MEX3A: variants seen among roughly 807,000 people sequenced by gnomAD.
The protein encoded by MEX3A is RNA-binding protein MEX3A.
MEX3A carries 4 observed loss-of-function variants against 30.0 expected under a neutral mutation model. The observed-to-expected ratio is 0.13, with a 90% CI of 0.07 to 0.30. The LOEUF (loss-of-function observed/expected upper bound fraction) is 0.30, where lower values mean the gene tolerates loss of function less well. Among genes scored for constraint, MEX3A ranks in the 10% least tolerant of loss-of-function variants. The pLI is 1.00. For missense variants in MEX3A, 555 were observed against 736.7 expected, an observed-to-expected ratio of 0.75 and a Z score of 2.86; for synonymous variants, 335 against 327.6, an observed-to-expected ratio of 1.02 and a Z score of -0.24.
chr1:156,080,265 T>C (rs2102778154), intron 1 of MEX3A, among the ~76,000 whole-genome samples: 1 of 152,294 alleles, frequency 6.6e-6, no homozygotes, highest in Non-Finnish European at 1.5e-5. Context: ...TCTCAAGAGA[T>C]GGAGTGCCCC....
At position 156,074,602 on chromosome 1, in the gene MEX3A, T is replaced by C. The variant is rs1180712022; in HGVS notation, c.*1972A>G. The C allele has an allele frequency of 2.0e-5, 3 of 152,710 alleles. No homozygotes were observed. Among genetic ancestry groups the C allele is most frequent in the Non-Finnish European group, 4.4e-5 (3 of 68,026 alleles). 9.5% of individuals were successfully genotyped at this position (152,710 alleles called of 1,614,324 possible). On this transcript the variant is annotated 3_prime_UTR_variant, in exon 2 of 2. Transcript: ENST00000532414. ...CTAGTGTAACAGTCTTCTGCCTTTGTGGGTAAAGAGTGGAGAGGGGGAGGG... is the reference window on the plus strand; with the variant it reads ...CTAGTGTAACAGTCTTCTGCCTTTGCGGGTAAAGAGTGGAGAGGGGGAGGG...
At position 156,076,455 on chromosome 1, in the gene MEX3A, G is replaced by T. The variant is rs1648066050; in HGVS notation, c.*119C>A. 16 of 1,066,012 alleles carry T rather than the reference G, an allele frequency of 1.5e-5. No individual in the cohort carries two copies. The highest frequency in any genetic ancestry group is 2.0e-5 in the Non-Finnish European group (15 of 761,832). The allele number at this position is 1,066,012 out of a possible 1,614,324, so 66.0% of individuals were successfully genotyped here. A position where few individuals can be genotyped will look rare whatever the true frequency, so the allele number is the denominator to read the frequency against. ...CACTGCCTCCCTCCCCCCTTCCCCA[G>T]CGAGCGAGTATCTCTAAGCACCTTG... is the stretch of plus-strand genomic sequence containing the variant. On this transcript the variant is annotated 3_prime_UTR_variant, in exon 2 of 2. Coordinates refer to ENST00000532414, the MANE Select transcript of MEX3A (RefSeq NM_001093725.2). This position sits in a 1 kb window ranked among gnomAD's most constrained non-coding sequence, Gnocchi z 6.0.
chr1:156,081,923 C>A lies in MEX3A; in HGVS notation c.76G>T (p.Ala26Ser). The A allele has an allele frequency of 6.5e-7, 1 of 1,536,966 alleles. No homozygotes were observed. Among genetic ancestry groups the A allele is most frequent in the Non-Finnish European group, 8.8e-7 (1 of 1,140,342 alleles). ...FGELGCFGGS[A>S]KDRGLLEDER... ...TCTTCCAGCAGCCCTCGGTCCTTAGCGCTTCCCCCGAAACATCCTAGTTCT... is the reference window on the plus strand; with the variant it reads ...TCTTCCAGCAGCCCTCGGTCCTTAGAGCTTCCCCCGAAACATCCTAGTTCT... Residue 26 changes from alanine (A) to serine (S), a missense_variant, in exon 1 of 2, where the codon GCT becomes TCT. Ala to Ser is a moderately conservative substitution (Grantham distance 99). Around this residue, in one of 6 missense-constraint regions of MEX3A, gnomAD observed 159 missense variants for 159.9 expected, o/e 0.99. Coordinates refer to ENST00000532414, the MANE Select transcript of MEX3A (RefSeq NM_001093725.2).
rs1235177373 is a variant in MEX3A, at chr1:156,076,857, C to T, written c.1280G>A (p.Arg427His). 1.3e-6 allele frequency: 2 copies of T among 1,537,322 alleles called. No homozygotes were observed. Among genetic ancestry groups the T allele is most frequent in the Admixed American group, 2.0e-5 (1 of 50,100 alleles). The part of the protein sequence containing the change: ...KARAGPPGAH[R>H]SPATSAGPEL... ...GGGTCCCGCGGAAGTGGCAGGGGAG[C>T]GGTGTGCGCCCGGGGGCCCAGCGCG... is the stretch of plus-strand genomic sequence containing the variant. The change falls in exon 2 of 2, where the codon CGC (arginine) becomes CAC (histidine). Residue 427 changes from arginine (R) to histidine (H), a missense_variant. Coordinates refer to ENST00000532414, the MANE Select transcript of MEX3A (RefSeq NM_001093725.2). The surrounding 1 kb of genome is among the most constrained non-coding windows in gnomAD (Gnocchi z 6.0).
At chr1:156,081,400 T>C in intron 1 of MEX3A, 145 bp downstream of exon 1, 1 of 680,402 alleles carries the variant, frequency 1.5e-6, no homozygotes, top group Non-Finnish European at 2.5e-6. Context: ...TGTGGCACTT[T>C]GAAATCAGGG....
At position 156,073,068 on chromosome 1, in the gene MEX3A, GTC is replaced by G. The variant is rs1361665654; in HGVS notation, c.*3504_*3505del. ...AGGTGAGAAGCGTGTGTGCATGTGT[GTC>G]TGTTTGTGGAATGACTTCCCAGGCT... is the stretch of plus-strand genomic sequence containing the variant. On this transcript the variant is annotated 3_prime_UTR_variant, in exon 2 of 2. Transcript: ENST00000532414. 1 of 152,528 alleles carries G rather than the reference GTC, an allele frequency of 6.6e-6. No individual in the cohort carries two copies. The highest frequency in any genetic ancestry group is 1.5e-5 in the Non-Finnish European group (1 of 68,082). The allele number at this position is 152,528 out of a possible 1,614,324, so 9.4% of individuals were successfully genotyped here.
intron 1 of MEX3A, among the ~76,000 whole-genome samples, chr1:156,079,200 C>A (rs941695569): frequency 6.7e-6 from 1 of 148,750 alleles, no homozygotes; most frequent in Non-Finnish European, 1.5e-5. Flanking sequence ...GGTTGGGGGA[C>A]CCTCCCTCAC....
rs1381478226 is a variant in MEX3A, at chr1:156,074,453, C to T, written c.*2121G>A. 2.9e-5 allele frequency: 4 copies of T among 137,660 alleles called. No individual in the cohort carries two copies. Among genetic ancestry groups the T allele is most frequent in the African/African-American group, 1.1e-4 (4 of 36,462 alleles). 8.5% of individuals were successfully genotyped at this position (137,660 alleles called of 1,614,324 possible). A position where few individuals can be genotyped will look rare whatever the true frequency, so the allele number is the denominator to read the frequency against. ...TTTGTTTTCTCTCCTCTGTGTTGGTCGCCTGTCTCGCTCCCTCTCATGCTC... is the reference window on the plus strand; with the variant it reads ...TTTGTTTTCTCTCCTCTGTGTTGGTTGCCTGTCTCGCTCCCTCTCATGCTC... On this transcript the variant is annotated 3_prime_UTR_variant, in exon 2 of 2. Transcript: ENST00000532414.
Position 156,074,061 on chromosome 1 carries a change from G to A in MEX3A, c.*2513C>T, listed in dbSNP as rs1003894152. 3.3e-5 allele frequency: 5 copies of A among 152,298 alleles called. No homozygotes were observed. Among genetic ancestry groups the A allele is most frequent in the East Asian group, 1.9e-4 (1 of 5,210 alleles). The allele number at this position is 152,298 out of a possible 1,614,324, so 9.4% of individuals were successfully genotyped here. A position where few individuals can be genotyped will look rare whatever the true frequency, so the allele number is the denominator to read the frequency against. ...GCTCCTCTCTCCACCATTCACCCCCGGGATGCTCCCCCAAGAAAAGCAAAT... is the reference window on the plus strand; with the variant it reads ...GCTCCTCTCTCCACCATTCACCCCCAGGATGCTCCCCCAAGAAAAGCAAAT... On this transcript the variant is annotated 3_prime_UTR_variant, in exon 2 of 2. Transcript: ENST00000532414.
In MEX3A at chr1:156,081,618, C is replaced by T; in HGVS notation, c.381G>A (p.Lys127=). The T allele has an allele frequency of 6.3e-7, 1 of 1,575,458 alleles. No individual in the cohort carries two copies. The highest frequency in any genetic ancestry group is 2.3e-5 in the East Asian group (1 of 42,726). ...ALYKEAELRL[K]GSSNTTECVP... is the part of the protein sequence containing the mutation. Reference sequence around the variant, plus strand: ...CACACTCCGTGGTGTTGCTGCTGCCCTTCAGGCGCAGCTCGGCCTCTTTGT... The same window carrying T: ...CACACTCCGTGGTGTTGCTGCTGCCTTTCAGGCGCAGCTCGGCCTCTTTGT... The change falls in exon 1 of 2, where the codon AAG becomes AAA. Residue 127 remains lysine (K), a synonymous_variant. Transcript: ENST00000532414.
At position 156,076,964 on chromosome 1, in the gene MEX3A, C is replaced by T; in HGVS notation, c.1173G>A (p.Leu391=). 2 of 1,611,308 alleles carry T rather than the reference C, an allele frequency of 1.2e-6. No homozygotes were observed. Among genetic ancestry groups the T allele is most frequent in the South Asian group, 1.1e-5 (1 of 90,754 alleles). ...GCGTGGCGTTCTCCTGGCCCGCCCACAGCGGGGGGCTAGTCTCGGCCACGC... is the reference window on the plus strand; with the variant it reads ...GCGTGGCGTTCTCCTGGCCCGCCCATAGCGGGGGGCTAGTCTCGGCCACGC... ...YYGVAETSPP[L]WAGQENATPT... Residue 391 remains leucine (L), a synonymous_variant, in exon 2 of 2, where the codon CTG becomes CTA. Coordinates refer to ENST00000532414, the MANE Select transcript of MEX3A (RefSeq NM_001093725.2). The surrounding 1 kb of genome is among the most constrained non-coding windows in gnomAD (Gnocchi z 6.0).
At chr1:156,080,530 T>C (rs1410002155) in intron 1 of MEX3A, among the ~76,000 whole-genome samples, 1 of 149,070 alleles carries the variant, frequency 6.7e-6, no homozygotes, top group African/African-American at 2.5e-5. Context: ...GCCCAGCCTC[T>C]TTGCAATTTC....
chr1:156,076,714 T>A lies in MEX3A; in HGVS notation c.1423A>T (p.Ser475Cys). ...GGRDCMVCFESEVTAALVPCG... is the reference protein window; with the variant it reads ...GGRDCMVCFECEVTAALVPCG... ...GGCACAAGGGCGGCAGTCACTTCGCTCTCAAAGCAGACCATGCAATCCCGC... is the reference window on the plus strand; with the variant it reads ...GGCACAAGGGCGGCAGTCACTTCGCACTCAAAGCAGACCATGCAATCCCGC... The change falls in exon 2 of 2, where the codon AGC becomes TGC. Residue 475 changes from serine to cysteine, a missense_variant. Ser to Cys is a moderately radical substitution (Grantham distance 112). Coordinates refer to ENST00000532414, the MANE Select transcript of MEX3A (RefSeq NM_001093725.2). The surrounding 1 kb of genome is among the most constrained non-coding windows in gnomAD (Gnocchi z 6.0). 1 of 1,613,348 alleles carries A rather than the reference T, an allele frequency of 6.2e-7. No individual in the cohort carries two copies.
chr1:156,081,046 T>C (rs1648213191), intron 1 of MEX3A, among the ~76,000 whole-genome samples: 1 of 151,632 alleles, frequency 6.6e-6, no homozygotes, highest in Non-Finnish European at 1.5e-5. Flanking sequence ...CACACCCCCT[T>C]CCATTCCTAC....
At chr1:156,080,806 CACTA>C (rs1648201674) in intron 1 of MEX3A, among the ~76,000 whole-genome samples, 1 of 151,638 alleles carries the variant, frequency 6.6e-6, no homozygotes. Flanking sequence ...CCTACTCTTT[CACTA>C]CCAGAGACCC....
chr1:156,076,835 TCCCGCGGAAGTGGCAGGG>T lies in MEX3A; in HGVS notation c.1284_1301del (p.Ala430_Pro435del). On this transcript the variant is annotated inframe_deletion, in exon 2 of 2. Transcript: ENST00000532414. This position sits in a 1 kb window ranked among gnomAD's most constrained non-coding sequence, Gnocchi z 6.0. ...GCCTCGGGAGTCCGGCCAGCTCGGG[TCCCGCGGAAGTGGCAGGG>T]GAGCGGTGTGCGCCCGGGGGCCCAG... is the stretch of plus-strand genomic sequence containing the variant. The T allele has an allele frequency of 6.5e-7, 1 of 1,547,866 alleles. No individual in the cohort carries two copies. Among genetic ancestry groups the T allele is most frequent in the Non-Finnish European group, 8.7e-7 (1 of 1,145,834 alleles).
chr1:156,073,718 CTCTT>C lies in MEX3A; in HGVS notation c.*2852_*2855del, dbSNP rs1647978418. Reference sequence around the variant, plus strand: ...AAACCCCTCGGTTTCTCTTTTTCTTCTCTTTCTCTCTTGTTTTTGGTTAAAAAAA... The same window carrying C: ...AAACCCCTCGGTTTCTCTTTTTCTTCTCTCTCTTGTTTTTGGTTAAAAAAA... On this transcript the variant is annotated 3_prime_UTR_variant, in exon 2 of 2. Transcript: ENST00000532414. 6.6e-6 allele frequency: 1 copy of C among 150,834 alleles called. No individual in the cohort carries two copies. The highest frequency in any genetic ancestry group is 2.4e-5 in the African/African-American group (1 of 41,060). 9.3% of individuals were successfully genotyped at this position (150,834 alleles called of 1,614,324 possible).
rs1647969766 is a variant in MEX3A, at chr1:156,073,396, T to C, written c.*3178A>G. The C allele has an allele frequency of 6.5e-6, 1 of 152,714 alleles. No homozygotes were observed. Among genetic ancestry groups the C allele is most frequent in the African/African-American group, 2.4e-5 (1 of 41,408 alleles). 9.5% of individuals were successfully genotyped at this position (152,714 alleles called of 1,614,324 possible). On this transcript the variant is annotated 3_prime_UTR_variant, in exon 2 of 2. Coordinates refer to ENST00000532414, the MANE Select transcript of MEX3A (RefSeq NM_001093725.2). ...TTTAAAAATCCAAGGATTCTCAGAATCAACCCCAGCAGACTGGAAGCTCCC... is the reference window on the plus strand; with the variant it reads ...TTTAAAAATCCAAGGATTCTCAGAACCAACCCCAGCAGACTGGAAGCTCCC...
At chr1:156,078,113 C>G (rs990483613) in intron 1 of MEX3A, among the ~76,000 whole-genome samples, 1 of 152,188 alleles carries the variant, frequency 6.6e-6, no homozygotes, top group African/African-American at 2.4e-5. Flanking sequence ...AATCACCCCC[C>G]ACATCTGTCA....
Sources: gnomAD v4.1 joint callset for allele counts (sites outside exome capture counted in the v4.1 genomes callset) on GRCh38, gnomAD v4.1.1 for gene constraint, gnomAD v4.1.1 regional missense constraint, Gnocchi (gnomAD v3.1) non-coding constraint, MANE v1.5 for transcripts, NCBI Gene and HGNC (gene_info 2026-07-23, HGNC 2026-07-21) for gene names.